The following ARHGAP42 variants were observed in gnomAD, a reference collection of about 807,000 sequenced individuals.
ARHGAP42 encodes the protein Rho GTPase activating protein 42, also known as rho GTPase-activating protein 42.
ARHGAP42 carries 63 observed loss-of-function variants against 125.0 expected under a neutral mutation model. The observed-to-expected ratio is 0.50, with a 90% CI of 0.41 to 0.62. ARHGAP42 has a LOEUF of 0.62. ARHGAP42 is among the 20% of genes least tolerant of loss of function. The pLI is 0.00. For missense variants in ARHGAP42, 766 were observed against 1,024.2 expected, an observed-to-expected ratio of 0.75 and a Z score of 3.44; for synonymous variants, 339 against 351.0, an observed-to-expected ratio of 0.97 and a Z score of 0.38.
Position 100,972,495 on chromosome 11 carries a change from A to G in ARHGAP42, c.1551-680A>G, listed in dbSNP as rs367757838. Among the ~76,000 whole-genome samples, 4 of 151,822 alleles carry G rather than the reference A, an allele frequency of 2.6e-5. No individual in the cohort carries two copies. In the East Asian group the frequency reaches 5.9e-4, roughly 22 times the overall value. On this transcript the variant is annotated intron_variant, in intron 17 of 23. Coordinates refer to ENST00000298815, the MANE Select transcript of ARHGAP42 (RefSeq NM_152432.4). ...TTTGCCTAGCACAGCACCCAATACTAGGGAGGTACTCAGGGAAGTTTTGGA... is the reference window on the plus strand; with the variant it reads ...TTTGCCTAGCACAGCACCCAATACTGGGGAGGTACTCAGGGAAGTTTTGGA...
At chr11:100,973,360 G>A (rs1275980981) in intron 18 of ARHGAP42, 26 bp downstream of exon 18, 1 of 1,546,756 alleles carries the variant, frequency 6.5e-7, no homozygotes, top group Non-Finnish European at 8.7e-7. Flanking sequence ...ATGTGGAAGT[G>A]TCAAGTTTTA....
At chr11:100,980,602 C>T (rs1472652189) in intron 22 of ARHGAP42, among the ~76,000 whole-genome samples, 14 of 68,360 alleles carry the variant, frequency 2.0e-4, no homozygotes, top group South Asian at 2.0e-3. Context: ...GAAAGAGCCT[C>T]GCTCTGTCAC....
chr11:100,721,904 A>T (rs1242747959), intron 1 of ARHGAP42, among the ~76,000 whole-genome samples: 1 of 152,184 alleles, frequency 6.6e-6, no homozygotes, highest in Non-Finnish European at 1.5e-5. Flanking sequence ...GCTGTTATAA[A>T]AATTTGTGAG....
chr11:100,839,174 C>T (rs1269303368), intron 3 of ARHGAP42, among the ~76,000 whole-genome samples: 1 of 152,126 alleles, frequency 6.6e-6, no homozygotes, highest in Admixed American at 6.6e-5. Context: ...AGTGACTTGA[C>T]AACTCTTGGC....
chr11:100,751,876 T>G (rs1862468513), intron 1 of ARHGAP42, among the ~76,000 whole-genome samples: 1 of 144,590 alleles, frequency 6.9e-6, no homozygotes, highest in South Asian at 2.2e-4. Flanking sequence ...GCCTCCCAGG[T>G]TCAAGCAATT....
Position 100,974,610 on chromosome 11 carries a change from G to A in ARHGAP42, c.1855+7G>A, listed in dbSNP as rs753874945. ...TGCCTGGCCGAACCTGATAGTAAGTGCACCCGGCCTTAGGGAGATGCTTTC... is the reference window on the plus strand; with the variant it reads ...TGCCTGGCCGAACCTGATAGTAAGTACACCCGGCCTTAGGGAGATGCTTTC... On this transcript the variant is annotated splice_region_variant and intron_variant, in intron 19 of 23. Transcript: ENST00000298815. 45 of 1,548,696 alleles carry A rather than the reference G, an allele frequency of 2.9e-5. No homozygotes were observed. In the South Asian group the frequency reaches 4.7e-4, roughly 16 times the overall value.
intron 2 of ARHGAP42, among the ~76,000 whole-genome samples, chr11:100,784,924 T>C (rs200140720): frequency 2.0e-5 from 3 of 152,198 alleles, no homozygotes; most frequent in South Asian, 2.1e-4. Flanking sequence ...ACATGTGACT[T>C]TCTGATGGGA....
chr11:100,841,172 A>T (rs1005100742), intron 3 of ARHGAP42, among the ~76,000 whole-genome samples: 4 of 152,230 alleles, frequency 2.6e-5, no homozygotes, highest in Admixed American at 1.3e-4. Context: ...TAATTCAAGT[A>T]CAAAAATCCT....
intron 1 of ARHGAP42, among the ~76,000 whole-genome samples, chr11:100,745,287 G>C (rs538365030): frequency 6.6e-6 from 1 of 152,304 alleles, no homozygotes; most frequent in South Asian, 2.1e-4. Flanking sequence ...TTTCCTTACA[G>C]CTCTTTCTCT....
At chr11:100,910,472 A>T (rs1356728898) in intron 4 of ARHGAP42, among the ~76,000 whole-genome samples, 1 of 152,176 alleles carries the variant, frequency 6.6e-6, no homozygotes, top group Non-Finnish European at 1.5e-5. Context: ...CTATTTTTTT[A>T]AAATAATGCC....
chr11:100,738,340 CA>C (rs1384480147), intron 1 of ARHGAP42: 1 of 152,136 alleles, frequency 6.6e-6, no homozygotes, highest in African/African-American at 2.4e-5. Flanking sequence ...GAAAGGGCTG[CA>C]ATTCATTGAA....
At chr11:100,959,211 C>T (rs1857892511) in intron 12 of ARHGAP42, among the ~76,000 whole-genome samples, 1 of 151,704 alleles carries the variant, frequency 6.6e-6, no homozygotes, top group South Asian at 2.1e-4. Context: ...GCCCCAAAAC[C>T]CTTTAAAAAA....
intron 16 of ARHGAP42, among the ~76,000 whole-genome samples, chr11:100,965,284 G>A (rs934565056): frequency 2.6e-5 from 4 of 152,062 alleles, no homozygotes; most frequent in Admixed American, 6.6e-5. Context: ...GGGCTAATAC[G>A]TACTCTAATG....
chr11:100,704,075 A>T (rs1316606898), intron 1 of ARHGAP42, among the ~76,000 whole-genome samples: 56 of 152,110 alleles, frequency 3.7e-4, no homozygotes, highest in Admixed American at 3.5e-3. Flanking sequence ...GACAAAAGAG[A>T]CATTCAGTTA....
chr11:100,894,312 A>G (rs1866289780), intron 4 of ARHGAP42, among the ~76,000 whole-genome samples: 1 of 152,176 alleles, frequency 6.6e-6, no homozygotes, highest in South Asian at 2.1e-4. Context: ...TAATTTCACA[A>G]GAGACAAGAT....
chr11:100,963,270 C>T (rs978219297), intron 16 of ARHGAP42, among the ~76,000 whole-genome samples: 2 of 152,078 alleles, frequency 1.3e-5, no homozygotes, highest in Non-Finnish European at 2.9e-5. Flanking sequence ...TCTGTGATTG[C>T]CGTCATATGA....
chr11:100,854,139 C>T (rs751723108), intron 3 of ARHGAP42, among the ~76,000 whole-genome samples: 4 of 151,950 alleles, frequency 2.6e-5, no homozygotes, highest in Non-Finnish European at 5.9e-5. Context: ...ATGGTTAGGC[C>T]AATTAATTAA....
intron 3 of ARHGAP42, among the ~76,000 whole-genome samples, chr11:100,807,000 A>T (rs767949150): frequency 2.4e-4 from 37 of 151,810 alleles, no homozygotes; most frequent in Non-Finnish European, 4.9e-4. Context: ...GCTGCCCGCC[A>T]CCACGCCTGG....
At chr11:100,904,741 A>G (rs1016388543) in intron 4 of ARHGAP42, among the ~76,000 whole-genome samples, 27 of 152,346 alleles carry the variant, frequency 1.8e-4, no homozygotes, top group African/African-American at 6.3e-4. Context: ...TGGAACTGGG[A>G]ACCAGATAGA....
Sources: gnomAD v4.1 joint callset for allele counts (sites outside exome capture counted in the v4.1 genomes callset) on GRCh38, gnomAD v4.1.1 for gene constraint, MANE v1.5 for transcripts, NCBI Gene and HGNC (gene_info 2026-07-23, HGNC 2026-07-21) for gene names.